Variants in PDGFRB observed in about 807,000 individuals in gnomAD.
PDGFRB encodes the protein platelet derived growth factor receptor beta.
In PDGFRB, 42 loss-of-function variants were observed where a neutral mutation model predicts 120.2. The ratio of observed to expected loss-of-function variants is 0.35; its 90% CI spans 0.27 to 0.45. PDGFRB has a LOEUF of 0.45. PDGFRB is among the 20% of genes least tolerant of loss of function. The pLI, the probability that PDGFRB is intolerant of heterozygous loss-of-function variation, is 1.00. For synonymous variants in PDGFRB, 586 were observed against 606.8 expected, an observed-to-expected ratio of 0.97 and a Z score of 0.50; for missense variants, 1,149 against 1,476.3, an observed-to-expected ratio of 0.78 and a Z score of 3.63.
intron 1 of PDGFRB, among the ~76,000 whole-genome samples, chr5:150,152,122 G>T (rs572139225): frequency 6.6e-6 from 1 of 152,026 alleles, no homozygotes; most frequent in Non-Finnish European, 1.5e-5. Context: ...GGCCAGGCTG[G>T]TCTCAAACTC....
intron 1 of PDGFRB, among the ~76,000 whole-genome samples, chr5:150,142,191 G>T (rs1454041622): frequency 6.6e-6 from 1 of 152,134 alleles, no homozygotes; most frequent in Non-Finnish European, 1.5e-5. Flanking sequence ...AAGCAAGAGG[G>T]CCCATTGTTT....
At chr5:150,127,169 G>C (rs1435111654) in intron 10 of PDGFRB, among the ~76,000 whole-genome samples, 6 of 152,210 alleles carry the variant, frequency 3.9e-5, no homozygotes, top group Non-Finnish European at 7.4e-5. Context: ...TTCACCCAAA[G>C]GGCCCAGTTG....
Position 150,122,125 on chromosome 5 carries a change from TCTCA to T in PDGFRB, c.2184-89_2184-86del, listed in dbSNP as rs56202461. Reference sequence around the variant, plus strand: ...CCCCTTGCCACTCATGAATTTCTTCTCTCACTCACACACTCACTCATCTTCCTTC... The same window carrying T: ...CCCCTTGCCACTCATGAATTTCTTCTCTCACACACTCACTCATCTTCCTTC... On this transcript the variant is annotated intron_variant, in intron 15 of 22. Transcript: ENST00000261799. The T allele has an allele frequency of 0.072, 71,297 of 989,272 alleles. 3,106 individuals carry two copies. Among genetic ancestry groups the T allele is most frequent in the African/African-American group, 0.11 (7,109 of 62,838 alleles). 61.3% of individuals were successfully genotyped at this position (989,272 alleles called of 1,614,324 possible). A position where few individuals can be genotyped will look rare whatever the true frequency, so the allele number is the denominator to read the frequency against.
chr5:150,127,833 T>TAAAAAAAAAAAAA (rs56899708), intron 10 of PDGFRB, among the ~76,000 whole-genome samples: 13 of 62,430 alleles, frequency 2.1e-4, no homozygotes, highest in African/African-American at 8.9e-4. Flanking sequence ...GACTCCATCT[T>TAAAAAAAAAAAAA]AAAAAAAAAA....
In PDGFRB at chr5:150,120,815, T is replaced by G. The variant is rs1425849971; in HGVS notation, c.2586+73A>C. ...GATTTCCTATGAGCTGCAGCCACAC[T>G]GGTCAGGAGGGAATCTGTTCCTGCG... On this transcript the variant is annotated intron_variant, in intron 18 of 22. Transcript: ENST00000261799. The surrounding 1 kb of genome is among the most constrained non-coding windows in gnomAD (Gnocchi z 4.3). 3 of 1,440,504 alleles carry G rather than the reference T, an allele frequency of 2.1e-6. No individual in the cohort carries two copies. The highest frequency in any genetic ancestry group is 2.3e-5 in the East Asian group (1 of 43,598). 89.2% of individuals were successfully genotyped at this position (1,440,504 alleles called of 1,614,324 possible).
Position 150,134,749 on chromosome 5 carries a change from C to A in PDGFRB, c.631+1G>T, listed in dbSNP as rs111491260. ...AGCATCAGGCCAGAAAGGGGGCTCA[C>A]CCTGGAGTCTGTAGACATAGTAGGC... On this transcript the variant is annotated splice_donor_variant, in intron 4 of 22. Transcript: ENST00000261799. LOFTEE classifies it high-confidence loss of function. 6.2e-7 allele frequency: 1 copy of A among 1,608,952 alleles called. No homozygotes were observed. Among genetic ancestry groups the A allele is most frequent in the South Asian group, 1.1e-5 (1 of 89,922 alleles).
rs576388049 is a variant in PDGFRB at position 150,137,019 on chromosome 5, A to G, written c.29T>C (p.Leu10Pro). The change falls in exon 2 of 23, where the codon CTG becomes CCG. Residue 10 changes from leucine to proline, a missense_variant. By Grantham distance (98) the Leu-to-Pro change is moderately conservative. This residue lies in a region of PDGFRB where 879 missense variants were observed against 1,108.6 expected (regional missense o/e 0.79). Coordinates refer to ENST00000261799, the MANE Select transcript of PDGFRB (RefSeq NM_002609.4). The stretch of plus-strand genomic sequence containing the variant: ...TCCCATCTACCCACCTTTGAGGGCC[A>G]GAGCTGGCATCGCACCCGGAAGCCG... Reference protein sequence around the residue: MRLPGAMPALALKGELLLLS... With the variant: MRLPGAMPAPALKGELLLLS... The G allele has an allele frequency of 6.2e-7, 1 of 1,613,700 alleles. No individual in the cohort carries two copies. The highest frequency in any genetic ancestry group is 1.3e-5 in the African/African-American group (1 of 75,030).
intron 1 of PDGFRB, among the ~76,000 whole-genome samples, chr5:150,150,060 G>A (rs1761030306): frequency 6.6e-6 from 1 of 152,172 alleles, no homozygotes; most frequent in South Asian, 2.1e-4. Flanking sequence ...AAGCTCGGGG[G>A]TCCAGCAAAC....
rs199897509 is a variant in PDGFRB at position 150,131,961 on chromosome 5, G to T, written c.1243+18C>A. 1 of 1,283,830 alleles carries T rather than the reference G, an allele frequency of 7.8e-7. No homozygotes were observed. Among genetic ancestry groups the T allele is most frequent in the Non-Finnish European group, 1.1e-6 (1 of 879,224 alleles). The allele number at this position is 1,283,830 out of a possible 1,614,324, so 79.5% of individuals were successfully genotyped here. A position where few individuals can be genotyped will look rare whatever the true frequency, so the allele number is the denominator to read the frequency against. Reference sequence around the variant, plus strand: ...GGAGGGGAAGGAGCAGGGACATGGCGAGGGGCGTGCTCATCACCATTGATC... The same window carrying T: ...GGAGGGGAAGGAGCAGGGACATGGCTAGGGGCGTGCTCATCACCATTGATC... On this transcript the variant is annotated intron_variant, in intron 8 of 22. Coordinates refer to ENST00000261799, the MANE Select transcript of PDGFRB (RefSeq NM_002609.4).
chr5:150,142,380 G>C (rs1580816804), intron 1 of PDGFRB, among the ~76,000 whole-genome samples: 1 of 152,288 alleles, frequency 6.6e-6, no homozygotes, highest in African/African-American at 2.4e-5. Context: ...ATTGACCTTT[G>C]TTTCAAAGTC....
At chr5:150,130,438 C>G (rs969908041) in intron 9 of PDGFRB, 101 bp downstream of exon 9, 3 of 1,201,976 alleles carry the variant, frequency 2.5e-6, no homozygotes, top group Middle Eastern at 1.9e-4. Context: ...ACTCTATGCC[C>G]GGAACAATAT....
Position 150,129,832 on chromosome 5 carries a change from G to A in PDGFRB, c.1504C>T (p.Arg502Trp), listed in dbSNP as rs142992960. 1.1e-3 allele frequency: 1,776 copies of A among 1,614,094 alleles called. 13 individuals carry two copies. The highest frequency in any genetic ancestry group is 3.4e-3 in the South Asian group (310 of 91,080). The change falls in exon 10 of 23, where the codon CGG (arginine) becomes TGG (tryptophan). Residue 502 changes from arginine (R) to tryptophan (W), a missense_variant. This residue lies in a region of PDGFRB where 879 missense variants were observed against 1,108.6 expected (regional missense o/e 0.79). Coordinates refer to ENST00000261799, the MANE Select transcript of PDGFRB (RefSeq NM_002609.4). ...AGCGTGCAGCGCACCGACAGTGGCC[G>A]ATCCACGTGCTGCAGACGCAGTGTG... Reference protein sequence around the residue: ...VSTLRLQHVDRPLSVRCTLRN... With the variant: ...VSTLRLQHVDWPLSVRCTLRN...
At chr5:150,152,863 G>A (rs1019095474) in intron 1 of PDGFRB, among the ~76,000 whole-genome samples, 5 of 152,260 alleles carry the variant, frequency 3.3e-5, no homozygotes, top group Non-Finnish European at 7.3e-5. Context: ...ACTGTGGTAA[G>A]CACCTTGCCA....
intron 20 of PDGFRB, among the ~76,000 whole-genome samples, chr5:150,119,074 T>TGG (rs2113886360): frequency 6.6e-6 from 1 of 152,356 alleles, no homozygotes; most frequent in South Asian, 2.1e-4. Flanking sequence ...TGACTACGCC[T>TGG]GGGTGAGCAC....
In PDGFRB at chr5:150,135,668, A is replaced by G. The variant is rs2113912296; in HGVS notation, c.251T>C (p.Val84Ala). 12 of 1,614,088 alleles carry G rather than the reference A, an allele frequency of 7.4e-6. No individual in the cohort carries two copies. Among genetic ancestry groups the G allele is most frequent in the Non-Finnish European group, 1.0e-5 (12 of 1,179,928 alleles). Residue 84 changes from valine to alanine, a missense_variant, in exon 3 of 23, where the codon GTG becomes GCG. Around this residue, in one of 3 missense-constraint regions of PDGFRB, gnomAD observed 879 missense variants for 1,108.6 expected, o/e 0.79. Coordinates refer to ENST00000261799, the MANE Select transcript of PDGFRB (RefSeq NM_002609.4). The part of the protein sequence containing the change: ...AKAQDGTFSS[V>A]LTLTNLTGLD... Reference sequence around the variant, plus strand: ...CCCAGTGAGGTTGGTCAGTGTGAGCACGCTGGAGAAGGTGCCATCCTGGGC... The same window carrying G: ...CCCAGTGAGGTTGGTCAGTGTGAGCGCGCTGGAGAAGGTGCCATCCTGGGC...
chr5:150,116,550 A>C (rs906990866), intron 22 of PDGFRB, among the ~76,000 whole-genome samples: 1 of 152,112 alleles, frequency 6.6e-6, no homozygotes, highest in African/African-American at 2.4e-5. Context: ...TGGAGGTTGC[A>C]GTGAGCCGAG....
intron 1 of PDGFRB, among the ~76,000 whole-genome samples, chr5:150,142,525 G>A (rs562223364): frequency 2.6e-4 from 39 of 152,266 alleles, no homozygotes; most frequent in African/African-American, 8.2e-4. Context: ...TCTCCGTACC[G>A]GGGCACTTTA....
chr5:150,115,781 T>G lies in PDGFRB; in HGVS notation c.3303A>C (p.Ala1101=). The part of the protein sequence containing the change: ...DSGCPAPRAE[A]EDSFL ...CAGCCCCCTACAGGAAGCTATCCTC[T>G]GCTTCCGCCCGAGGCGCAGGGCACC... Residue 1101 remains alanine, a synonymous_variant, in exon 23 of 23, where the codon GCA becomes GCC. Coordinates refer to ENST00000261799, the MANE Select transcript of PDGFRB (RefSeq NM_002609.4). 1 of 1,608,484 alleles carries G rather than the reference T, an allele frequency of 6.2e-7. No individual in the cohort carries two copies. The highest frequency in any genetic ancestry group is 8.5e-7 in the Non-Finnish European group (1 of 1,177,438).
intron 9 of PDGFRB, 74 bp from the exon 10 acceptor site, chr5:150,130,042 G>A: frequency 3.3e-6 from 4 of 1,198,292 alleles, no homozygotes; most frequent in Admixed American, 3.4e-5. Flanking sequence ...AGAAACTGGT[G>A]GAAGGAGGCA....
Sources: gnomAD v4.1 joint callset for allele counts (sites outside exome capture counted in the v4.1 genomes callset) on GRCh38, gnomAD v4.1.1 for gene constraint, gnomAD v4.1.1 regional missense constraint, Gnocchi (gnomAD v3.1) non-coding constraint, MANE v1.5 for transcripts, NCBI Gene and HGNC (gene_info 2026-07-23, HGNC 2026-07-21) for gene names.